TMEM163: variants seen among roughly 807,000 people sequenced by gnomAD.
The protein encoded by TMEM163 is transmembrane protein 163.
In TMEM163, 17 loss-of-function variants were observed where a neutral mutation model predicts 29.3. That is an observed-to-expected ratio of 0.58 (90% CI 0.40 to 0.87). The LOEUF (loss-of-function observed/expected upper bound fraction) is 0.87. TMEM163 is among the 40% of genes least tolerant of loss of function. The pLI is 0.00. For missense variants in TMEM163, 303 were observed against 381.5 expected, an observed-to-expected ratio of 0.79 and a Z score of 1.71; for synonymous variants, 157 against 160.6, an observed-to-expected ratio of 0.98 and a Z score of 0.17.
At chr2:134,715,420 C>T (rs982223835) in intron 1 of TMEM163, among the ~76,000 whole-genome samples, 35 of 152,166 alleles carry the variant, frequency 2.3e-4, no homozygotes, top group African/African-American at 8.2e-4. Context: ...TTCCCCAGAT[C>T]TGGGCCTGTG....
chr2:134,540,128 C>T (rs1327832251), intron 4 of TMEM163, among the ~76,000 whole-genome samples: 1 of 152,246 alleles, frequency 6.6e-6, no homozygotes, highest in Non-Finnish European at 1.5e-5. Flanking sequence ...GGCCCTGGCA[C>T]TCCAGGGATA....
intron 2 of TMEM163, among the ~76,000 whole-genome samples, chr2:134,559,601 C>T (rs1001636832): frequency 6.6e-6 from 1 of 152,140 alleles, no homozygotes; most frequent in Non-Finnish European, 1.5e-5. Context: ...AAGTGTTTGT[C>T]TCAGGCAAAC....
At chr2:134,669,810 G>A (rs1683950427) in intron 2 of TMEM163, among the ~76,000 whole-genome samples, 1 of 152,186 alleles carries the variant, frequency 6.6e-6, no homozygotes, top group African/African-American at 2.4e-5. Context: ...GCAACTGCAA[G>A]GCCACCATGC....
chr2:134,553,885 C>T lies in TMEM163; in HGVS notation c.323-1794G>A, dbSNP rs547951856. ...TGCAAAAAAAGCAGCTGATCCCTGG[C>T]GGGACTGCTGCAAGCACCGAGGCGG... On this transcript the variant is annotated intron_variant, in intron 2 of 7. Coordinates refer to ENST00000281924, the MANE Select transcript of TMEM163 (RefSeq NM_030923.5). Among the ~76,000 whole-genome samples, 17 of 152,320 alleles carry T rather than the reference C, an allele frequency of 1.1e-4. No homozygotes were observed. In the East Asian group the frequency reaches 2.3e-3, roughly 21 times the overall value.
intron 2 of TMEM163, among the ~76,000 whole-genome samples, chr2:134,613,049 C>G (rs931651671): frequency 6.6e-6 from 1 of 152,078 alleles, no homozygotes; most frequent in African/African-American, 2.4e-5. Flanking sequence ...CAAATAGAGA[C>G]TATCAGTAAA....
chr2:134,586,182 G>A (rs907871322), intron 2 of TMEM163, among the ~76,000 whole-genome samples: 1 of 152,204 alleles, frequency 6.6e-6, no homozygotes, highest in African/African-American at 2.4e-5. Context: ...CTTTTCTTTA[G>A]TGATTCCTTA....
intron 4 of TMEM163, among the ~76,000 whole-genome samples, chr2:134,547,820 T>TA (rs1384696751): frequency 6.6e-6 from 1 of 152,202 alleles, no homozygotes. Context: ...TATATACTTT[T>TA]AAAAAACAGT....
intron 2 of TMEM163, among the ~76,000 whole-genome samples, chr2:134,657,081 T>C (rs530376991): frequency 2.1e-5 from 3 of 146,290 alleles, no homozygotes; most frequent in South Asian, 2.2e-4. Context: ...TTGCCAGATT[T>C]TATATCAGTG....
rs147695301 is a variant in TMEM163 at position 134,570,710 on chromosome 2, C to G, written c.323-18619G>C. Among the ~76,000 whole-genome samples the G allele has an allele frequency of 1.3e-3, 191 of 152,248 alleles. 1 individual carries two copies. The highest frequency in any genetic ancestry group is 4.4e-3 in the African/African-American group (182 of 41,544). On this transcript the variant is annotated intron_variant, in intron 2 of 7. Coordinates refer to ENST00000281924, the MANE Select transcript of TMEM163 (RefSeq NM_030923.5). The stretch of plus-strand genomic sequence containing the variant: ...TCCCTGGACACAGTGATAGGACAAT[C>G]AGAATCCTTTTTCAGAGACTGAGAT...
intron 2 of TMEM163, among the ~76,000 whole-genome samples, chr2:134,609,303 A>G (rs13400901): frequency 1.6e-4 from 2 of 12,488 alleles, no homozygotes; most frequent in African/African-American, 3.9e-4. Flanking sequence ...CGAGAACTGT[A>G]CTGGTGAAAA....
chr2:134,588,341 C>T (rs770941588), intron 2 of TMEM163, among the ~76,000 whole-genome samples: 7 of 152,186 alleles, frequency 4.6e-5, no homozygotes, highest in African/African-American at 9.7e-5. Flanking sequence ...ATAAAGCCAT[C>T]GTCCACCACT....
chr2:134,703,168 A>G (rs1303299256), intron 2 of TMEM163, among the ~76,000 whole-genome samples: 3 of 152,194 alleles, frequency 2.0e-5, no homozygotes, highest in Non-Finnish European at 4.4e-5. Context: ...AAAACATGGT[A>G]TCCAGGAAAC....
intron 2 of TMEM163, among the ~76,000 whole-genome samples, chr2:134,627,553 A>T (rs1682879830): frequency 6.6e-6 from 1 of 152,202 alleles, no homozygotes; most frequent in African/African-American, 2.4e-5. Flanking sequence ...AACCACATAG[A>T]AACAGATGGC....
chr2:134,576,846 A>G (rs1418826211), intron 2 of TMEM163, among the ~76,000 whole-genome samples: 1 of 152,176 alleles, frequency 6.6e-6, no homozygotes, highest in East Asian at 1.9e-4. Flanking sequence ...GAGGTGGGGA[A>G]CAACCCTTTT....
intron 2 of TMEM163, among the ~76,000 whole-genome samples, chr2:134,660,471 G>C (rs1038921019): frequency 6.6e-6 from 1 of 152,146 alleles, no homozygotes; most frequent in Non-Finnish European, 1.5e-5. Flanking sequence ...ATAAGAAAAA[G>C]GTAAATCAAG....
intron 2 of TMEM163, among the ~76,000 whole-genome samples, chr2:134,707,837 TGAG>T (rs1364396018): frequency 2.0e-5 from 3 of 149,980 alleles, no homozygotes; most frequent in Non-Finnish European, 1.5e-5. Context: ...GCTCCAGTCC[TGAG>T]GAGAAGAAGT....
chr2:134,592,833 T>G, intron 2 of TMEM163, among the ~76,000 whole-genome samples: 3 of 127,190 alleles, frequency 2.4e-5, no homozygotes, highest in South Asian at 2.4e-4. Context: ...TGTATGCATA[T>G]ATACACATGT....
intron 2 of TMEM163, among the ~76,000 whole-genome samples, chr2:134,710,815 T>C (rs10164986): frequency 0.31 from 47,384 of 151,700 alleles, 9,746 homozygotes; most frequent in African/African-American, 0.57. Context: ...CACCCCCTGC[T>C]AACACAAACA....
At chr2:134,577,310 C>T (rs1681577586) in intron 2 of TMEM163, among the ~76,000 whole-genome samples, 1 of 152,176 alleles carries the variant, frequency 6.6e-6, no homozygotes, top group Non-Finnish European at 1.5e-5. Flanking sequence ...GGTCTTGTTC[C>T]TTCCCTCAGG....
Sources: gnomAD v4.1 joint callset for allele counts (sites outside exome capture counted in the v4.1 genomes callset) on GRCh38, gnomAD v4.1.1 for gene constraint, MANE v1.5 for transcripts, NCBI Gene and HGNC (gene_info 2026-07-23, HGNC 2026-07-21) for gene names.